Variants in GRID1 observed in about 807,000 individuals in gnomAD.
GRID1 encodes glutamate ionotropic receptor delta type subunit 1.
In GRID1, 28 loss-of-function variants were observed where a neutral mutation model predicts 98.0. That is an observed-to-expected ratio of 0.29 (90% CI 0.21 to 0.39). The LOEUF (loss-of-function observed/expected upper bound fraction) is 0.39. Among genes scored for constraint, GRID1 ranks in the 10% least tolerant of loss-of-function variants. The probability of loss-of-function intolerance (pLI) is 1.00; values close to 1 mark genes in which losing one functional copy is unlikely to be tolerated. For synonymous variants in GRID1, 553 were observed against 538.5 expected, an observed-to-expected ratio of 1.03 and a Z score of -0.37; for missense variants, 1,111 against 1,340.5, an observed-to-expected ratio of 0.83 and a Z score of 2.67.
At chr10:85,633,072 T>C (rs1040508308) in intron 13 of GRID1, among the ~76,000 whole-genome samples, 1 of 152,182 alleles carries the variant, frequency 6.6e-6, no homozygotes, top group Non-Finnish European at 1.5e-5. Context: ...TTTTTATGGC[T>C]GTAGAGTATT....
chr10:85,785,877 C>A (rs1167191142), intron 8 of GRID1, among the ~76,000 whole-genome samples: 1 of 151,950 alleles, frequency 6.6e-6, no homozygotes, highest in Non-Finnish European at 1.5e-5. Flanking sequence ...AATGCACACA[C>A]ACACATACCC....
intron 12 of GRID1, among the ~76,000 whole-genome samples, chr10:85,653,709 A>G (rs930747572): frequency 6.6e-6 from 1 of 152,184 alleles, no homozygotes; most frequent in Non-Finnish European, 1.5e-5. Context: ...CCAATCATGG[A>G]CTAATCAGTC....
intron 3 of GRID1, among the ~76,000 whole-genome samples, chr10:86,178,324 C>T (rs542977243): frequency 6.6e-6 from 1 of 152,124 alleles, no homozygotes; most frequent in South Asian, 2.1e-4. Context: ...CCAAACCTTC[C>T]CCTGCCTGCC....
chr10:86,051,786 C>T (rs1467911514), intron 4 of GRID1, among the ~76,000 whole-genome samples: 1 of 152,180 alleles, frequency 6.6e-6, no homozygotes, highest in African/African-American at 2.4e-5. Context: ...TTTGATAACG[C>T]ATTCTGTTGA....
At chr10:85,988,934 G>A (rs1009060589) in intron 4 of GRID1, among the ~76,000 whole-genome samples, 4 of 152,232 alleles carry the variant, frequency 2.6e-5, no homozygotes, top group Non-Finnish European at 5.9e-5. Flanking sequence ...CACACCTTTT[G>A]GGGCCACATG....
chr10:86,165,767 G>A lies in GRID1; in HGVS notation c.521-26743C>T, dbSNP rs115456102. 8.3e-4 allele frequency among the ~76,000 whole-genome samples: 126 copies of A among 152,306 alleles called. 1 individual carries two copies. The highest frequency in any genetic ancestry group is 3.4e-3 in the Middle Eastern group (1 of 292). On this transcript the variant is annotated intron_variant, in intron 3 of 15. Transcript: ENST00000327946. ...TCCCACTGACCACTTCCCAGGAGGT[G>A]CTCAGGGGAGGAAACCAAGGGAAGC... is the stretch of plus-strand genomic sequence containing the variant.
chr10:85,708,265 G>C (rs541457806), intron 12 of GRID1, among the ~76,000 whole-genome samples: 1 of 152,034 alleles, frequency 6.6e-6, no homozygotes, highest in African/African-American at 2.4e-5. Context: ...TTAGCCAGGC[G>C]TGGTGGTGGG....
intron 4 of GRID1, among the ~76,000 whole-genome samples, chr10:86,023,717 T>G (rs1843079617): frequency 6.6e-6 from 1 of 152,142 alleles, no homozygotes; most frequent in African/African-American, 2.4e-5. Flanking sequence ...GAATCATGTA[T>G]GATTTACACA....
At chr10:85,957,832 T>C (rs1209814230) in intron 4 of GRID1, among the ~76,000 whole-genome samples, 1 of 152,186 alleles carries the variant, frequency 6.6e-6, no homozygotes, top group East Asian at 1.9e-4. Flanking sequence ...AGGCTGGGGA[T>C]GTCTATATGC....
intron 4 of GRID1, among the ~76,000 whole-genome samples, chr10:86,053,658 C>T (rs1284816057): frequency 2.0e-5 from 3 of 152,092 alleles, no homozygotes; most frequent in Admixed American, 6.5e-5. Flanking sequence ...CTGGCCTTTA[C>T]TGCAATATTT....
chr10:85,809,055 T>C (rs1161440969), intron 8 of GRID1, among the ~76,000 whole-genome samples: 1 of 151,952 alleles, frequency 6.6e-6, no homozygotes, highest in Non-Finnish European at 1.5e-5. Flanking sequence ...CCACAAAAAA[T>C]TATAAATACA....
At chr10:86,352,986 A>G (rs1848482929) in intron 2 of GRID1, among the ~76,000 whole-genome samples, 1 of 152,204 alleles carries the variant, frequency 6.6e-6, no homozygotes, top group Non-Finnish European at 1.5e-5. Context: ...CACCACTGCA[A>G]TGACCATCCC....
chr10:85,769,338 G>A (rs899444135), intron 8 of GRID1, among the ~76,000 whole-genome samples: 3 of 152,220 alleles, frequency 2.0e-5, no homozygotes, highest in Non-Finnish European at 2.9e-5. Flanking sequence ...GATGGCAGGA[G>A]CTGGAGCCAA....
intron 2 of GRID1, among the ~76,000 whole-genome samples, chr10:86,274,582 T>A (rs1397482280): frequency 6.6e-6 from 1 of 152,112 alleles, no homozygotes; most frequent in Non-Finnish European, 1.5e-5. Flanking sequence ...CCTCTTTTAT[T>A]TCATTGAGCA....
chr10:85,638,642 G>C (rs1843077824), intron 13 of GRID1, among the ~76,000 whole-genome samples: 1 of 152,042 alleles, frequency 6.6e-6, no homozygotes, highest in African/African-American at 2.4e-5. Context: ...AAAATGAATA[G>C]GCAAGTTACA....
At chr10:86,353,626 AG>A (rs1589459851) in intron 2 of GRID1, among the ~76,000 whole-genome samples, 1 of 152,160 alleles carries the variant, frequency 6.6e-6, no homozygotes, top group East Asian at 1.9e-4. Context: ...GTCCCTTCAC[AG>A]AGCTGGGCCC....
chr10:85,957,720 T>C (rs1842213182), intron 4 of GRID1, among the ~76,000 whole-genome samples: 1 of 152,206 alleles, frequency 6.6e-6, no homozygotes, highest in South Asian at 2.1e-4. Flanking sequence ...AAGCCTGCTC[T>C]GCAGGCCATG....
intron 4 of GRID1, among the ~76,000 whole-genome samples, chr10:85,923,978 A>G (rs79687918): frequency 6.6e-6 from 1 of 152,024 alleles, no homozygotes; most frequent in African/African-American, 2.4e-5. Flanking sequence ...ATTTTTTTGC[A>G]TATGGGGAGT....
At chr10:86,145,098 T>C (rs1051131258) in intron 3 of GRID1, among the ~76,000 whole-genome samples, 1 of 152,230 alleles carries the variant, frequency 6.6e-6, no homozygotes, top group African/African-American at 2.4e-5. Flanking sequence ...TATGTAACAG[T>C]TGCCAAGAAA....
Sources: gnomAD v4.1 joint callset for allele counts (sites outside exome capture counted in the v4.1 genomes callset) on GRCh38, gnomAD v4.1.1 for gene constraint, MANE v1.5 for transcripts, NCBI Gene and HGNC (gene_info 2026-07-23, HGNC 2026-07-21) for gene names.